The following ST6GAL2 variants were observed in gnomAD, a reference collection of about 807,000 sequenced individuals.
The protein encoded by ST6GAL2 is ST6 beta-galactoside alpha-2,6-sialyltransferase 2, also known as beta-galactoside alpha-2,6-sialyltransferase 2.
A neutral mutation model predicts 37.5 loss-of-function variants in ST6GAL2; 24 were observed. The ratio of observed to expected loss-of-function variants is 0.64; its 90% CI spans 0.46 to 0.90. ST6GAL2 has a LOEUF of 0.90. Among genes scored for constraint, ST6GAL2 ranks in the 40% least tolerant of loss-of-function variants. The probability of loss-of-function intolerance (pLI) is 0.00; values close to 1 mark genes in which losing one functional copy is unlikely to be tolerated. For synonymous variants in ST6GAL2, 306 were observed against 295.1 expected, an observed-to-expected ratio of 1.04 and a Z score of -0.38; for missense variants, 715 against 712.7, an observed-to-expected ratio of 1.00 and a Z score of -0.04.
intron 5 of ST6GAL2, among the ~76,000 whole-genome samples, chr2:106,816,205 G>A (rs1009600983): frequency 1.3e-5 from 2 of 152,182 alleles, no homozygotes; most frequent in African/African-American, 4.8e-5. Context: ...AACTAATAAA[G>A]TAAGGCAGAG....
intron 1 of ST6GAL2, among the ~76,000 whole-genome samples, chr2:106,879,508 C>G (rs1238766604): frequency 1.3e-5 from 2 of 151,944 alleles, no homozygotes; most frequent in African/African-American, 4.8e-5. Context: ...TTAATTAGTT[C>G]AACTTTCCCA....
At chr2:106,809,036 C>T (rs747053035) in intron 5 of ST6GAL2, among the ~76,000 whole-genome samples, 8 of 152,130 alleles carry the variant, frequency 5.3e-5, no homozygotes, top group Non-Finnish European at 7.4e-5. Context: ...CACAAAAAAA[C>T]CTTAAACAAA....
At chr2:106,820,957 G>A (rs564847630) in intron 5 of ST6GAL2, among the ~76,000 whole-genome samples, 2 of 152,018 alleles carry the variant, frequency 1.3e-5, no homozygotes, top group African/African-American at 4.8e-5. Flanking sequence ...ACAAATGATA[G>A]TGAAAACACA....
intron 2 of ST6GAL2, among the ~76,000 whole-genome samples, chr2:106,839,335 C>T (rs1676778865): frequency 6.6e-6 from 1 of 152,102 alleles, no homozygotes; most frequent in Admixed American, 6.5e-5. Flanking sequence ...AATCTCTTCT[C>T]TCTACCAGCC....
At chr2:106,824,723 T>C (rs962737012) in intron 5 of ST6GAL2, 1 of 152,230 alleles carries the variant, frequency 6.6e-6, no homozygotes, top group African/African-American at 2.4e-5. Context: ...ACAAAAATGT[T>C]ATATTTTTAG....
intron 1 of ST6GAL2, among the ~76,000 whole-genome samples, chr2:106,856,381 G>A (rs559148737): frequency 1.4e-4 from 21 of 152,254 alleles, no homozygotes; most frequent in African/African-American, 4.8e-4. Context: ...CACGGATCAT[G>A]GTGTGAGTCT....
chr2:106,876,739 G>A (rs942501655), intron 1 of ST6GAL2, among the ~76,000 whole-genome samples: 1 of 152,140 alleles, frequency 6.6e-6, no homozygotes, highest in African/African-American at 2.4e-5. Flanking sequence ...GTTGGCACTG[G>A]CAAAAGATTT....
intron 1 of ST6GAL2, among the ~76,000 whole-genome samples, chr2:106,844,346 C>T (rs1259470475): frequency 6.6e-6 from 1 of 152,038 alleles, no homozygotes; most frequent in Non-Finnish European, 1.5e-5. Context: ...GTCTGCCTTC[C>T]CACTTTGATA....
chr2:106,824,310 T>C (rs1300029927), intron 5 of ST6GAL2, among the ~76,000 whole-genome samples: 1 of 152,196 alleles, frequency 6.6e-6, no homozygotes, highest in African/African-American at 2.4e-5. Context: ...ACAAAAAGAA[T>C]AATTGTATTT....
intron 1 of ST6GAL2, among the ~76,000 whole-genome samples, chr2:106,865,118 A>G (rs1677969220): frequency 6.6e-6 from 1 of 152,246 alleles, no homozygotes; most frequent in Non-Finnish European, 1.5e-5. Flanking sequence ...ATAACTTCCG[A>G]GAGCGCAGAT....
At chr2:106,852,438 G>A (rs569402178) in intron 1 of ST6GAL2, among the ~76,000 whole-genome samples, 2 of 152,320 alleles carry the variant, frequency 1.3e-5, no homozygotes, top group Non-Finnish European at 2.9e-5. Flanking sequence ...CTGGCGGCTG[G>A]GCTTCCGGAT....
At chr2:106,864,679 T>A (rs903064687) in intron 1 of ST6GAL2, among the ~76,000 whole-genome samples, 1 of 152,212 alleles carries the variant, frequency 6.6e-6, no homozygotes, top group Non-Finnish European at 1.5e-5. Context: ...TGTAATATCA[T>A]ACAACCTAGC....
chr2:106,821,243 CAGATAA>C (rs1308365678), intron 5 of ST6GAL2, among the ~76,000 whole-genome samples: 6 of 150,796 alleles, frequency 4.0e-5, no homozygotes, highest in East Asian at 1.9e-4. Context: ...AATATTTAGC[CAGATAA>C]AGATAAAAAG....
chr2:106,860,167 C>T (rs1315791535), intron 1 of ST6GAL2, among the ~76,000 whole-genome samples: 2 of 152,138 alleles, frequency 1.3e-5, no homozygotes, highest in African/African-American at 4.8e-5. Flanking sequence ...TTCTCTCTAC[C>T]TCTCTTGGAC....
chr2:106,872,816 A>G (rs1300753046), intron 1 of ST6GAL2, among the ~76,000 whole-genome samples: 1 of 151,936 alleles, frequency 6.6e-6, no homozygotes, highest in African/African-American at 2.4e-5. Flanking sequence ...TTTAAACTTC[A>G]TGTGCTTTCA....
chr2:106,874,787 G>A (rs1678430920), intron 1 of ST6GAL2, among the ~76,000 whole-genome samples: 1 of 152,178 alleles, frequency 6.6e-6, no homozygotes, highest in Non-Finnish European at 1.5e-5. Flanking sequence ...ACAAGCACAT[G>A]AAGCATAAAC....
intron 1 of ST6GAL2, among the ~76,000 whole-genome samples, chr2:106,851,512 T>C (rs1415143061): frequency 1.3e-5 from 2 of 152,190 alleles, no homozygotes; most frequent in Non-Finnish European, 2.9e-5. Flanking sequence ...CAGAGGAACA[T>C]TACACTGCAG....
At chr2:106,865,198 T>C (rs368446814) in intron 1 of ST6GAL2, among the ~76,000 whole-genome samples, 1 of 152,220 alleles carries the variant, frequency 6.6e-6, no homozygotes, top group East Asian at 1.9e-4. Flanking sequence ...TTGCCATCTT[T>C]GCTTTTAAAC....
At chr2:106,833,102 G>C (rs532946606) in intron 3 of ST6GAL2, among the ~76,000 whole-genome samples, 1 of 152,136 alleles carries the variant, frequency 6.6e-6, no homozygotes, top group East Asian at 1.9e-4. Flanking sequence ...TTCTAAATGA[G>C]TTCTTCAATC....
Sources: allele counts gnomAD v4.1 joint callset (sites outside exome capture counted in the v4.1 genomes callset), GRCh38; gene constraint gnomAD v4.1.1; transcripts MANE v1.5; gene names NCBI Gene and HGNC (gene_info 2026-07-23, HGNC 2026-07-21).